The following TULP4 variants were observed in gnomAD, a reference collection of about 807,000 sequenced individuals.
TULP4 encodes the protein tubby-related protein 4.
A neutral mutation model predicts 129.0 loss-of-function variants in TULP4; 16 were observed. The observed-to-expected ratio is 0.12, with a 90% CI of 0.08 to 0.19. The LOEUF is 0.19. TULP4 is among the 10% of genes least tolerant of loss of function. The pLI, the probability that TULP4 is intolerant of heterozygous loss-of-function variation, is 1.00. For synonymous variants in TULP4, 998 were observed against 854.0 expected (o/e 1.17, Z -2.94); for missense variants, 1,842 against 2,059.1 (o/e 0.89, Z 2.04).
intron 7 of TULP4, 127 bp from the exon 8 acceptor site, chr6:158,480,928 G>A (rs903604195): frequency 1.3e-6 from 1 of 766,630 alleles, no homozygotes; most frequent in South Asian, 1.9e-5. Flanking sequence ...TCTTCCCCAG[G>A]CCCCCAGCCT....
chr6:158,488,910 C>T (rs1780131303), intron 8 of TULP4, among the ~76,000 whole-genome samples: 3 of 152,086 alleles, frequency 2.0e-5, no homozygotes, highest in African/African-American at 2.4e-5. Flanking sequence ...GTTTTGCCAT[C>T]ATCCCACTCT....
chr6:158,406,329 TTAATAC>T (rs1338678161), intron 1 of TULP4, among the ~76,000 whole-genome samples: 1 of 152,292 alleles, frequency 6.6e-6, no homozygotes, highest in East Asian at 1.9e-4. Context: ...AAATTAACTA[TTAATAC>T]TAATAACTAC....
chr6:158,423,243 A>G (rs1778395864), intron 2 of TULP4, among the ~76,000 whole-genome samples: 1 of 152,258 alleles, frequency 6.6e-6, no homozygotes. Flanking sequence ...GCCTGGGGCT[A>G]AATAAAGATT....
intron 3 of TULP4, 139 bp downstream of exon 3, chr6:158,430,036 A>G (rs1778593396): frequency 2.5e-6 from 2 of 803,110 alleles, no homozygotes; most frequent in Admixed American, 6.9e-5. Flanking sequence ...CTGTCCAGGT[A>G]AAAATTAAAA....
chr6:158,348,173 G>GTTTTTTTTTTTTTTTTTTAGTTTT (rs34217788), intron 1 of TULP4, among the ~76,000 whole-genome samples: 1 of 112,170 alleles, frequency 8.9e-6, no homozygotes, highest in Non-Finnish European at 1.7e-5. Context: ...TTTTTTTAAG[G>GTTTTTTTTTTTTTTTTTTAGTTTT]TTTTTTTTTT....
rs762766910 is a variant in TULP4, at chr6:158,503,085, A to G, written c.3422A>G (p.Gln1141Arg). Residue 1141 changes from glutamine to arginine, a missense_variant, in exon 13 of 14, where the codon CAG becomes CGG. Gln to Arg is a conservative substitution (Grantham distance 43). Around this residue, in one of 5 missense-constraint regions of TULP4, gnomAD observed 1,089 missense variants for 987.1 expected, o/e 1.10. Coordinates refer to ENST00000367097, the MANE Select transcript of TULP4 (RefSeq NM_020245.5). The surrounding 1 kb of genome is among the most constrained non-coding windows in gnomAD (Gnocchi z 4.3). ...DVWVPQERTA[Q>R]TSGPNPLKLS... ...TGGGTTCCTCAAGAAAGGACAGCAC[A>G]GACTTCAGGGCCCAACCCCTTAAAA... 3.7e-6 allele frequency: 6 copies of G among 1,614,124 alleles called. No individual in the cohort carries two copies. The highest frequency in any genetic ancestry group is 1.7e-5 in the Admixed American group (1 of 60,024).
intron 5 of TULP4, among the ~76,000 whole-genome samples, chr6:158,453,867 C>T (rs191569843): frequency 0.013 from 1,980 of 148,394 alleles, 70 homozygotes; most frequent in African/African-American, 0.047. Context: ...GCAGGAGAAT[C>T]GCTTGAACCT....
chr6:158,382,221 C>T (rs562758871), intron 1 of TULP4, among the ~76,000 whole-genome samples: 3 of 152,188 alleles, frequency 2.0e-5, no homozygotes, highest in East Asian at 1.9e-4. Context: ...GACTGCTCTG[C>T]GATTGGGAAA....
chr6:158,381,343 C>G (rs1562543037), intron 1 of TULP4, among the ~76,000 whole-genome samples: 1 of 152,048 alleles, frequency 6.6e-6, no homozygotes, highest in Non-Finnish European at 1.5e-5. Flanking sequence ...GTATGAAAGA[C>G]TCCAAACAGG....
intron 1 of TULP4, among the ~76,000 whole-genome samples, chr6:158,358,680 A>G (rs954098654): frequency 1.3e-5 from 2 of 152,250 alleles, no homozygotes; most frequent in African/African-American, 4.8e-5. Context: ...CTCTTACTTG[A>G]GGGCCAGAGA....
chr6:158,240,791 G>A (rs1408947125), intron 1 of TULP4, among the ~76,000 whole-genome samples: 9 of 146,728 alleles, frequency 6.1e-5, no homozygotes, highest in African/African-American at 2.2e-4. Flanking sequence ...TGGCCAGGCG[G>A]GGGGCTGAAC....
At chr6:158,374,485 C>G (rs779681049) in intron 1 of TULP4, among the ~76,000 whole-genome samples, 1 of 152,160 alleles carries the variant, frequency 6.6e-6, no homozygotes, top group African/African-American at 2.4e-5. Flanking sequence ...GGCGCTCTGC[C>G]GGATCAGGGA....
chr6:158,337,053 T>TTCTTTCTG (rs1430666309), intron 1 of TULP4, among the ~76,000 whole-genome samples: 1 of 4,842 alleles, frequency 2.1e-4, no homozygotes, highest in Non-Finnish European at 9.0e-4. Flanking sequence ...CTTTCTTTCT[T>TTCTTTCTG]TCTTTCTTTC....
intron 1 of TULP4, among the ~76,000 whole-genome samples, chr6:158,298,167 C>T (rs776274533): frequency 5.9e-5 from 9 of 152,118 alleles, no homozygotes; most frequent in Non-Finnish European, 1.0e-4. Context: ...TTCCCTTGTT[C>T]CCTAAAAATC....
chr6:158,330,110 A>G (rs187664396), intron 1 of TULP4, among the ~76,000 whole-genome samples: 1 of 145,260 alleles, frequency 6.9e-6, no homozygotes, highest in Non-Finnish European at 1.5e-5. Context: ...TAATCGATAT[A>G]CAAACTACTA....
At chr6:158,367,763 C>T (rs984965804) in intron 1 of TULP4, among the ~76,000 whole-genome samples, 1 of 151,780 alleles carries the variant, frequency 6.6e-6, no homozygotes, top group African/African-American at 2.4e-5. Flanking sequence ...ATTGTAAGGC[C>T]GGTGCGGTGG....
intron 1 of TULP4, among the ~76,000 whole-genome samples, chr6:158,339,738 A>G (rs1780136065): frequency 1.3e-5 from 2 of 152,198 alleles, no homozygotes; most frequent in African/African-American, 4.8e-5. Flanking sequence ...TTGTTCCCTG[A>G]AAATCACTGT....
chr6:158,343,088 G>C (rs190491911), intron 1 of TULP4, among the ~76,000 whole-genome samples: 224 of 152,118 alleles, frequency 1.5e-3, no homozygotes, highest in Non-Finnish European at 1.7e-3. Flanking sequence ...GTGATGGCGT[G>C]TTCAGGGGCC....
chr6:158,304,673 AT>A (rs11388128), intron 1 of TULP4, among the ~76,000 whole-genome samples: 2 of 147,980 alleles, frequency 1.4e-5, no homozygotes, highest in Admixed American at 6.8e-5. Flanking sequence ...ATTTTACCTT[AT>A]TTTTTTTTTT....
Sources: allele counts gnomAD v4.1 joint callset (sites outside exome capture counted in the v4.1 genomes callset), GRCh38; gene constraint gnomAD v4.1.1; regional missense constraint gnomAD v4.1.1; non-coding constraint Gnocchi (gnomAD v3.1); transcripts MANE v1.5; gene names NCBI Gene and HGNC (gene_info 2026-07-23, HGNC 2026-07-21).